INTU: variants seen among roughly 807,000 people sequenced by gnomAD.
INTU encodes the protein inturned planar cell polarity protein.
Under a neutral mutation model 100.5 loss-of-function variants are expected in INTU, and 68 were observed. The observed-to-expected ratio is 0.68, with a 90% CI of 0.56 to 0.83. INTU has a LOEUF of 0.83. Ranked by LOEUF, INTU falls within the 40% of genes least tolerant of loss-of-function variation. The pLI, the probability that INTU is intolerant of heterozygous loss-of-function variation, is 0.00. For missense variants in INTU, 1,071 were observed against 1,114.7 expected (o/e 0.96, Z 0.56); for synonymous variants, 357 against 395.7 (o/e 0.90, Z 1.16).
At chr4:127,635,049 C>G (rs1299386888) in intron 1 of INTU, among the ~76,000 whole-genome samples, 1 of 152,198 alleles carries the variant, frequency 6.6e-6, no homozygotes, top group Non-Finnish European at 1.5e-5. Context: ...TGCATATTGA[C>G]TCACATAAAG....
At chr4:127,686,436 T>C (rs1034863095) in intron 7 of INTU, 29 of 152,454 alleles carry the variant, frequency 1.9e-4, no homozygotes, top group Admixed American at 1.7e-3. Context: ...AGCAGCGTGA[T>C]CTTTCTACAT....
At chr4:127,711,450 C>G (rs141383288) in intron 14 of INTU, among the ~76,000 whole-genome samples, 252 of 152,182 alleles carry the variant, frequency 1.7e-3, no homozygotes, top group Middle Eastern at 3.4e-3. Flanking sequence ...TAAAATAACT[C>G]TGATAATTCT....
At chr4:127,680,844 T>C (rs1039430299) in intron 6 of INTU, among the ~76,000 whole-genome samples, 2 of 151,932 alleles carry the variant, frequency 1.3e-5, no homozygotes, top group Non-Finnish European at 2.9e-5. Context: ...ATTGTATATC[T>C]AGAAAACCCC....
Position 127,663,587 on chromosome 4 carries a change from G to A in INTU, c.972+3G>A, listed in dbSNP as rs1728571237. The A allele has an allele frequency of 1.2e-6, 2 of 1,611,610 alleles. No individual in the cohort carries two copies. Among genetic ancestry groups the A allele is most frequent in the South Asian group, 1.1e-5 (1 of 90,792 alleles). ...ACTCAGAAACCTCAAAGGAAGAGGT[G>A]AGTGTCCTCAAAAGTCCAAAGGAAA... On this transcript the variant is annotated splice_donor_region_variant and intron_variant, in intron 4 of 15. Transcript: ENST00000335251.
chr4:127,662,645 C>T (rs1728524248), intron 3 of INTU, among the ~76,000 whole-genome samples: 1 of 152,126 alleles, frequency 6.6e-6, no homozygotes, highest in African/African-American at 2.4e-5. Context: ...CACCAGGGGT[C>T]CCCAACCCCC....
At position 127,643,675 on chromosome 4, in the gene INTU, T is replaced by C; in HGVS notation, c.301T>C (p.Tyr101His). Residue 101 changes from tyrosine (Y) to histidine (H), a missense_variant, in exon 2 of 16, where the codon TAC becomes CAC. Physicochemically the swap from Tyr to His is moderately conservative, Grantham distance 83. Coordinates refer to ENST00000335251, the MANE Select transcript of INTU (RefSeq NM_015693.4). ...AAATGAGATTATCATTGAAGATGAC[T>C]ACAAAGAAAGAAAAAAGTATGAACC... ...SENEIIIEDD[Y>H]KERKKYEPKL... The C allele has an allele frequency of 6.2e-7, 1 of 1,613,062 alleles. No individual in the cohort carries two copies. Among genetic ancestry groups the C allele is most frequent in the Non-Finnish European group, 8.5e-7 (1 of 1,179,830 alleles).
At chr4:127,664,990 C>T (rs1023166627) in intron 4 of INTU, among the ~76,000 whole-genome samples, 5 of 151,546 alleles carry the variant, frequency 3.3e-5, no homozygotes, top group Non-Finnish European at 7.4e-5. Flanking sequence ...AATGATTACA[C>T]TTAAAATTTA....
chr4:127,723,707 C>A lies in INTU; in HGVS notation c.*7271C>A, dbSNP rs192022701. 1 of 151,844 alleles carries A rather than the reference C, an allele frequency of 6.6e-6. No homozygotes were observed. Among genetic ancestry groups the A allele is most frequent in the Admixed American group, 6.6e-5 (1 of 15,246 alleles). 9.4% of individuals were successfully genotyped at this position (151,844 alleles called of 1,614,324 possible). On this transcript the variant is annotated 3_prime_UTR_variant, in exon 16 of 16. Transcript: ENST00000335251. The stretch of plus-strand genomic sequence containing the variant: ...TTCAGCGGCTGGGCTTAGTGGCTCA[C>A]GCCTGTAATCTCAACACTTTGGGAG...
chr4:127,715,828 C>T (rs1277453823), intron 15 of INTU, among the ~76,000 whole-genome samples: 1 of 152,076 alleles, frequency 6.6e-6, no homozygotes, highest in African/African-American at 2.4e-5. Flanking sequence ...TTAAATAGAT[C>T]AATTTGTATA....
chr4:127,706,892 A>G lies in INTU; in HGVS notation c.2194A>G (p.Thr732Ala), dbSNP rs201258104. The stretch of plus-strand genomic sequence containing the variant: ...AGAAGATGATGGCTTTAGCCCCCAT[A>G]CTACACCGGATGCAGTACGGAAGCA... ...GGEDDGFSPH[T>A]TPDAVRKQRE... The change falls in exon 12 of 16, where the codon ACT becomes GCT. Residue 732 changes from threonine (T) to alanine (A), a missense_variant. Thr to Ala is a moderately conservative substitution (Grantham distance 58). Transcript: ENST00000335251. 2.0e-5 allele frequency: 33 copies of G among 1,614,040 alleles called. No homozygotes were observed. The South Asian group carries it at 2.9e-4, about 14-fold the overall frequency.
chr4:127,711,166 TATCTA>T (rs2148736653), intron 14 of INTU, 64 bp downstream of exon 14: 1 of 1,231,100 alleles, frequency 8.1e-7, no homozygotes, highest in African/African-American at 1.5e-5. Flanking sequence ...AGCATTCTGT[TATCTA>T]ATCAATATGC....
At chr4:127,712,342 T>C (rs1731123860) in intron 14 of INTU, among the ~76,000 whole-genome samples, 1 of 152,202 alleles carries the variant, frequency 6.6e-6, no homozygotes, top group Admixed American at 6.5e-5. Context: ...TCCTGTATGC[T>C]TTGGGTTCTT....
At chr4:127,647,992 C>T (rs1423182098) in intron 2 of INTU, among the ~76,000 whole-genome samples, 1 of 152,080 alleles carries the variant, frequency 6.6e-6, no homozygotes. Flanking sequence ...AAATTGATGG[C>T]TTTTCTCACA....
intron 12 of INTU, 123 bp downstream of exon 12, chr4:127,707,092 G>A: frequency 8.8e-7 from 1 of 1,130,612 alleles, no homozygotes; most frequent in Non-Finnish European, 1.3e-6. Flanking sequence ...GGTTATTTCA[G>A]TCACTGCTGG....
chr4:127,709,458 C>T (rs1000547297), intron 13 of INTU, among the ~76,000 whole-genome samples: 3 of 152,126 alleles, frequency 2.0e-5, no homozygotes, highest in African/African-American at 7.2e-5. Flanking sequence ...GGTATAATTT[C>T]AAACGTTCAT....
At chr4:127,645,880 A>T (rs1047372397) in intron 2 of INTU, among the ~76,000 whole-genome samples, 7 of 151,880 alleles carry the variant, frequency 4.6e-5, no homozygotes, top group African/African-American at 1.7e-4. Flanking sequence ...TGTTGTTTTA[A>T]GCCTCAGAAT....
At chr4:127,633,431 A>G (rs1174824572) in intron 1 of INTU, among the ~76,000 whole-genome samples, 1 of 151,880 alleles carries the variant, frequency 6.6e-6, no homozygotes, top group East Asian at 1.9e-4. Context: ...AGATGAGGAG[A>G]ATCTCCTCTT....
intron 6 of INTU, among the ~76,000 whole-genome samples, chr4:127,677,020 A>G (rs957230430): frequency 6.6e-6 from 1 of 151,784 alleles, no homozygotes; most frequent in Non-Finnish European, 1.5e-5. Context: ...CTGAGATCAA[A>G]CTGCAAGATG....
intron 1 of INTU, among the ~76,000 whole-genome samples, chr4:127,637,497 CTG>C (rs1400738326): frequency 6.6e-6 from 1 of 152,182 alleles, no homozygotes; most frequent in Non-Finnish European, 1.5e-5. Context: ...TTTGTTGTCT[CTG>C]TTTGAAATAC....
Sources: gnomAD v4.1 joint callset for allele counts (sites outside exome capture counted in the v4.1 genomes callset) on GRCh38, gnomAD v4.1.1 for gene constraint, MANE v1.5 for transcripts, NCBI Gene and HGNC (gene_info 2026-07-23, HGNC 2026-07-21) for gene names.